ADAMTS19: variants seen among roughly 807,000 people sequenced by gnomAD.
ADAMTS19 encodes ADAM metallopeptidase with thrombospondin type 1 motif 19.
A neutral mutation model predicts 153.3 loss-of-function variants in ADAMTS19; 93 were observed. That is an observed-to-expected ratio of 0.61 (90% CI 0.51 to 0.72). The LOEUF is 0.72. Ranked by LOEUF, ADAMTS19 falls within the 30% of genes least tolerant of loss-of-function variation. The pLI, the probability that ADAMTS19 is intolerant of heterozygous loss-of-function variation, is 0.00. For missense variants in ADAMTS19, 1,482 were observed against 1,552.1 expected, an observed-to-expected ratio of 0.95 and a Z score of 0.76; for synonymous variants, 600 against 556.6, an observed-to-expected ratio of 1.08 and a Z score of -1.10.
At chr5:129,492,408 T>C (rs910602069) in intron 2 of ADAMTS19, among the ~76,000 whole-genome samples, 1 of 152,042 alleles carries the variant, frequency 6.6e-6, no homozygotes, top group African/African-American at 2.4e-5. Flanking sequence ...GGGTCTAAGA[T>C]TGAGACTGGT....
chr5:129,516,905 T>TTTTC (rs762610066), intron 3 of ADAMTS19, among the ~76,000 whole-genome samples: 1 of 148,360 alleles, frequency 6.7e-6, no homozygotes, highest in African/African-American at 2.5e-5. Context: ...TTTTTTTTTT[T>TTTTC]CGATGTAGGC....
chr5:129,695,534 T>C (rs184614841), intron 19 of ADAMTS19, among the ~76,000 whole-genome samples: 120 of 152,256 alleles, frequency 7.9e-4, no homozygotes, highest in African/African-American at 2.8e-3. Context: ...TTACTGGAAG[T>C]TGGGGTAAAG....
intron 2 of ADAMTS19, chr5:129,500,421 C>T (rs1219943642): frequency 2.6e-5 from 4 of 152,100 alleles, no homozygotes; most frequent in Non-Finnish European, 4.4e-5. Flanking sequence ...TCATGGGTCA[C>T]ATTTGTGGCT....
intron 6 of ADAMTS19, among the ~76,000 whole-genome samples, chr5:129,535,173 T>G (rs1752368492): frequency 6.6e-6 from 1 of 152,166 alleles, no homozygotes. Context: ...CCCCATCATC[T>G]CAGCCCAAAA....
At chr5:129,530,536 G>GA (rs1489865583) in intron 6 of ADAMTS19, among the ~76,000 whole-genome samples, 3 of 152,008 alleles carry the variant, frequency 2.0e-5, no homozygotes, top group African/African-American at 4.8e-5. Flanking sequence ...CTTCACATCC[G>GA]AAAAACCATA....
chr5:129,686,757 C>A (rs1279592848), intron 18 of ADAMTS19, among the ~76,000 whole-genome samples: 1 of 152,128 alleles, frequency 6.6e-6, no homozygotes, highest in Non-Finnish European at 1.5e-5. Context: ...GCAAAGGCAA[C>A]ATCAGGGGCA....
At chr5:129,521,254 A>C (rs1257099464) in intron 3 of ADAMTS19, among the ~76,000 whole-genome samples, 1 of 152,164 alleles carries the variant, frequency 6.6e-6, no homozygotes, top group Non-Finnish European at 1.5e-5. Context: ...GTTTGTTAAA[A>C]GCAAAATTTT....
chr5:129,638,868 G>T (rs1466597068), intron 10 of ADAMTS19, among the ~76,000 whole-genome samples: 1 of 152,066 alleles, frequency 6.6e-6, no homozygotes, highest in East Asian at 1.9e-4. Context: ...GCACAGGTTA[G>T]CTCTGAAGAT....
At chr5:129,540,321 G>T (rs1035222685) in intron 6 of ADAMTS19, among the ~76,000 whole-genome samples, 2 of 152,048 alleles carry the variant, frequency 1.3e-5, no homozygotes, top group Non-Finnish European at 2.9e-5. Context: ...AAATTGTCCT[G>T]TGCAGTACAA....
chr5:129,616,103 G>T (rs1046790413), intron 8 of ADAMTS19, among the ~76,000 whole-genome samples: 2 of 151,778 alleles, frequency 1.3e-5, no homozygotes, highest in Non-Finnish European at 2.9e-5. Flanking sequence ...GTAAAAGTAG[G>T]TTTCATTGTT....
Position 129,704,235 on chromosome 5 carries a change from C to T in ADAMTS19, c.3160-4C>T, listed in dbSNP as rs1017149146. ...TATCTAAAACCTCTGATGTTATCTTCCAGTGTTCAGTCAAGTGTGGCAAAG... is the reference window on the plus strand; with the variant it reads ...TATCTAAAACCTCTGATGTTATCTTTCAGTGTTCAGTCAAGTGTGGCAAAG... On this transcript the variant is annotated splice_region_variant and splice_polypyrimidine_tract_variant and intron_variant, in intron 20 of 22. Coordinates refer to ENST00000274487, the MANE Select transcript of ADAMTS19 (RefSeq NM_133638.6). The T allele has an allele frequency of 2.5e-6, 4 of 1,610,676 alleles. No homozygotes were observed. Among genetic ancestry groups the T allele is most frequent in the Non-Finnish European group, 3.4e-6 (4 of 1,178,566 alleles).
In ADAMTS19 at chr5:129,658,704, A is replaced by G. The variant is rs1753698837; in HGVS notation, c.2392A>G (p.Ile798Val). Residue 798 changes from isoleucine to valine, a missense_variant, in exon 15 of 23, where the codon ATT (isoleucine) becomes GTT (valine). By Grantham distance (29) the Ile-to-Val change is conservative (BLOSUM62 3). Coordinates refer to ENST00000274487, the MANE Select transcript of ADAMTS19 (RefSeq NM_133638.6). ...TGGCAATGGAAAATCATGCAAGATCATTAAAGGGGATTTTAATCACACCAG... is the reference window on the plus strand; with the variant it reads ...TGGCAATGGAAAATCATGCAAGATCGTTAAAGGGGATTTTAATCACACCAG... ...CNGNGKSCKIIKGDFNHTRGA... is the reference protein window; with the variant it reads ...CNGNGKSCKIVKGDFNHTRGA... 1 of 1,613,008 alleles carries G rather than the reference A, an allele frequency of 6.2e-7. No individual in the cohort carries two copies. Among genetic ancestry groups the G allele is most frequent in the African/African-American group, 1.3e-5 (1 of 75,028 alleles).
chr5:129,654,130 G>C (rs759121480), intron 13 of ADAMTS19, among the ~76,000 whole-genome samples, 176 bp from the exon 14 acceptor site: 3 of 151,970 alleles, frequency 2.0e-5, no homozygotes, highest in Non-Finnish European at 4.4e-5. Flanking sequence ...AACATCTCCA[G>C]GCACCTAATT....
chr5:129,599,875 A>C (rs1750564118), intron 8 of ADAMTS19, among the ~76,000 whole-genome samples: 1 of 152,146 alleles, frequency 6.6e-6, no homozygotes, highest in Non-Finnish European at 1.5e-5. Context: ...CCAGAATGTG[A>C]TATATGTTAA....
intron 21 of ADAMTS19, among the ~76,000 whole-genome samples, chr5:129,709,621 TCTC>T (rs1372810183): frequency 6.6e-6 from 1 of 151,152 alleles, no homozygotes; most frequent in South Asian, 2.1e-4. Flanking sequence ...CTTAAAGTGT[TCTC>T]CTGTTGCATA....
At chr5:129,678,584 C>T (rs1754654674) in intron 16 of ADAMTS19, among the ~76,000 whole-genome samples, 1 of 151,936 alleles carries the variant, frequency 6.6e-6, no homozygotes, top group African/African-American at 2.4e-5. Flanking sequence ...GAGAAATTTA[C>T]TTTCAGTGCT....
chr5:129,665,426 A>C, intron 15 of ADAMTS19, 73 bp from the exon 16 acceptor site: 1 of 1,309,768 alleles, frequency 7.6e-7, no homozygotes, highest in Non-Finnish European at 1.0e-6. Context: ...AAGGAAAACA[A>C]AAGGCAAGTC....
chr5:129,686,712 G>A (rs756005340), intron 18 of ADAMTS19, among the ~76,000 whole-genome samples: 5 of 152,112 alleles, frequency 3.3e-5, no homozygotes, highest in Non-Finnish European at 5.9e-5. Flanking sequence ...AGAGCTTTGA[G>A]GTTCTCACCT....
chr5:129,702,941 A>AAAAATATATATATATAT lies in ADAMTS19; in HGVS notation c.3160-1297_3160-1296insAAATATATATATATATA. Among the ~76,000 whole-genome samples, 16 of 29,290 alleles carry AAAAATATATATATATAT rather than the reference A, an allele frequency of 5.5e-4. 1 individual carries two copies. Among genetic ancestry groups the AAAAATATATATATATAT allele is most frequent in the East Asian group, 2.7e-3 (2 of 748 alleles). The allele number at this position is 29,290 out of a possible 152,430, so 19.2% of individuals were successfully genotyped here. A position where few individuals can be genotyped will look rare whatever the true frequency, so the allele number is the denominator to read the frequency against. ...TAGTTTGACTTGCCAAAAAAAAAAA[A>AAAAATATATATATATAT]ATATATATATATATATATATATATA... On this transcript the variant is annotated intron_variant, in intron 20 of 22. Transcript: ENST00000274487.
Sources: allele counts gnomAD v4.1 joint callset (sites outside exome capture counted in the v4.1 genomes callset), GRCh38; gene constraint gnomAD v4.1.1; transcripts MANE v1.5; gene names NCBI Gene and HGNC (gene_info 2026-07-23, HGNC 2026-07-21).